The following SRPK2 variants were observed in gnomAD, a reference collection of about 807,000 sequenced individuals.
SRPK2 encodes SFRS protein kinase 2.
SRPK2 carries 21 observed loss-of-function variants against 90.8 expected under a neutral mutation model. The observed-to-expected ratio is 0.23, with a 90% confidence interval of 0.16 to 0.33. SRPK2 has a LOEUF of 0.33. Among genes scored for constraint, SRPK2 ranks in the 10% least tolerant of loss-of-function variants. SRPK2 has a pLI of 1.00. For missense variants in SRPK2, 620 were observed against 869.0 expected, an observed-to-expected ratio of 0.71 and a Z score of 3.60; for synonymous variants, 288 against 311.1, an observed-to-expected ratio of 0.93 and a Z score of 0.78.
At chr7:105,205,525 AC>A (rs1796111446) in intron 2 of SRPK2, among the ~76,000 whole-genome samples, 1 of 23,646 alleles carries the variant, frequency 4.2e-5, no homozygotes, top group Admixed American at 4.2e-4. Flanking sequence ...TCTCACACAC[AC>A]ACACACACAC....
At chr7:105,331,337 A>AAAAAAAAAAAAAAAAC (rs1554512429) in intron 2 of SRPK2, among the ~76,000 whole-genome samples, 4 of 141,826 alleles carry the variant, frequency 2.8e-5, no homozygotes, top group Non-Finnish European at 4.6e-5. Flanking sequence ...AAAAAAAAAA[A>AAAAAAAAAAAAAAAAC]CAAATAGTTA....
intron 3 of SRPK2, among the ~76,000 whole-genome samples, chr7:105,187,088 T>C (rs574135210): frequency 1.3e-5 from 2 of 152,300 alleles, no homozygotes; most frequent in Non-Finnish European, 2.9e-5. Context: ...CATAAAATCA[T>C]GAACAAAATT....
rs139433699 is a variant in SRPK2, at chr7:105,205,928, A to AACAC, written c.72-2147_72-2144dup. 3,236 of 483,860 alleles carry AACAC rather than the reference A, an allele frequency of 6.7e-3. 25 individuals are homozygous for AACAC. The East Asian group carries it at 0.072, about 11-fold the overall frequency. 30.0% of individuals were successfully genotyped at this position (483,860 alleles called of 1,614,324 possible). ...ATAAAAAATGAGTACATTCTCTGAA[A>AACAC]ACACACACACACACACACATTGAGT... On this transcript the variant is annotated intron_variant, in intron 2 of 15. Coordinates refer to ENST00000393651, the MANE Select transcript of SRPK2 (RefSeq NM_182692.3).
At chr7:105,310,309 C>T (rs779551378) in intron 2 of SRPK2, among the ~76,000 whole-genome samples, 6 of 152,100 alleles carry the variant, frequency 3.9e-5, no homozygotes, top group East Asian at 1.9e-4. Flanking sequence ...GTGCACAGAA[C>T]GCAGCAAGGC....
At chr7:105,160,668 T>C (rs374620190) in intron 6 of SRPK2, 55 bp from the exon 7 acceptor site, 16 of 1,015,184 alleles carry the variant, frequency 1.6e-5, no homozygotes, top group East Asian at 2.4e-5. Flanking sequence ...GAGGCAGTTA[T>C]TGAAAGCAGC....
intron 7 of SRPK2, among the ~76,000 whole-genome samples, chr7:105,152,627 T>G (rs1171565933): frequency 6.6e-6 from 1 of 152,218 alleles, no homozygotes; most frequent in Non-Finnish European, 1.5e-5. Flanking sequence ...GAATCATGTT[T>G]CATCCCCATG....
rs538754484 is a variant in SRPK2 at position 105,398,821 on chromosome 7, A to G, written n.153+335T>C. ...GAGTTCAAGGGCTAGTTCTGCCATT[A>G]TTTACCTGGGCCAGCTTGAGCAAAT... is the stretch of plus-strand genomic sequence containing the variant. On this transcript the variant is annotated intron_variant and non_coding_transcript_variant, in intron 1 of 3. Coordinates refer to the SRPK2 transcript ENST00000462282. Among the ~76,000 whole-genome samples the G allele has an allele frequency of 1.2e-4, 18 of 152,264 alleles. No homozygotes were observed. In the South Asian group the frequency reaches 3.7e-3, roughly 32 times the overall value.
chr7:105,341,032 G>T (rs1815711491), intron 2 of SRPK2, among the ~76,000 whole-genome samples: 1 of 152,132 alleles, frequency 6.6e-6, no homozygotes, highest in South Asian at 2.1e-4. Flanking sequence ...TTGGGGAAAA[G>T]GCAATAGATT....
chr7:105,262,489 C>A (rs190992648), intron 2 of SRPK2, among the ~76,000 whole-genome samples: 1 of 152,286 alleles, frequency 6.6e-6, no homozygotes, highest in African/African-American at 2.4e-5. Context: ...CATTCCCCAG[C>A]TCCCAAACCA....
At chr7:105,281,494 T>C (rs886961205) in intron 2 of SRPK2, among the ~76,000 whole-genome samples, 1 of 152,144 alleles carries the variant, frequency 6.6e-6, no homozygotes, top group Admixed American at 6.5e-5. Context: ...TGCTCAAGAC[T>C]CCAGCGCTAC....
At chr7:105,382,124 C>T (rs550469233) in intron 2 of SRPK2, among the ~76,000 whole-genome samples, 15 of 151,184 alleles carry the variant, frequency 9.9e-5, no homozygotes, top group African/African-American at 3.4e-4. Context: ...GCCATGATTG[C>T]GCCAGTGCAC....
chr7:105,244,641 G>A, intron 2 of SRPK2: 1 of 786,618 alleles, frequency 1.3e-6, no homozygotes, highest in South Asian at 1.5e-5. Flanking sequence ...CGCCTTTGGA[G>A]AGCAGCAGCC....
chr7:105,128,164 C>A (rs1488414844), intron 13 of SRPK2, among the ~76,000 whole-genome samples: 1 of 152,022 alleles, frequency 6.6e-6, no homozygotes, highest in Non-Finnish European at 1.5e-5. Flanking sequence ...CATCTTTTCA[C>A]CTTTTTTAAA....
intron 11 of SRPK2, among the ~76,000 whole-genome samples, chr7:105,141,058 A>C (rs1803678945): frequency 6.6e-6 from 1 of 152,218 alleles, no homozygotes; most frequent in Non-Finnish European, 1.5e-5. Flanking sequence ...CTTTCCCAGA[A>C]ATTAACCTAC....
chr7:105,136,934 C>A (rs1189907541), intron 11 of SRPK2, among the ~76,000 whole-genome samples: 1 of 152,150 alleles, frequency 6.6e-6, no homozygotes, highest in Admixed American at 6.5e-5. Flanking sequence ...AACTCGTGTA[C>A]TGGTTGAAAA....
chr7:105,118,862 G>C (rs1033587511), intron 15 of SRPK2, among the ~76,000 whole-genome samples: 1 of 152,138 alleles, frequency 6.6e-6, no homozygotes, highest in African/African-American at 2.4e-5. Flanking sequence ...AGTGAGTCAA[G>C]GTCATGCCAC....
At chr7:105,385,171 ATTTTTTTTTTTTT>A (rs767913304) in intron 2 of SRPK2, among the ~76,000 whole-genome samples, 4 of 49,674 alleles carry the variant, frequency 8.1e-5, no homozygotes, top group Non-Finnish European at 1.0e-4. Flanking sequence ...CGCGCCCGGC[ATTTTTTTTTTTTT>A]TTTTTTTTTT....
At chr7:105,354,882 C>T (rs1817609194) in intron 2 of SRPK2, among the ~76,000 whole-genome samples, 1 of 152,146 alleles carries the variant, frequency 6.6e-6, no homozygotes, top group South Asian at 2.1e-4. Flanking sequence ...TACCCATCAA[C>T]AGGCACGCCC....
At chr7:105,297,405 T>C (rs930838015) in intron 2 of SRPK2, 2 of 943,838 alleles carry the variant, frequency 2.1e-6, no homozygotes, top group African/African-American at 3.5e-5. Context: ...TCACTATAAA[T>C]TGTACTTAAT....
Sources: allele counts gnomAD v4.1 joint callset (sites outside exome capture counted in the v4.1 genomes callset), GRCh38; gene constraint gnomAD v4.1.1; transcripts MANE v1.5; gene names NCBI Gene and HGNC (gene_info 2026-07-23, HGNC 2026-07-21).